KNL1: variants seen among roughly 807,000 people sequenced by gnomAD.
KNL1 encodes kinetochore scaffold 1.
A neutral mutation model predicts 201.3 loss-of-function variants in KNL1; 66 were observed. The ratio of observed to expected loss-of-function variants is 0.33; its 90% CI spans 0.27 to 0.40. The LOEUF (loss-of-function observed/expected upper bound fraction) is 0.40, where lower values mean the gene tolerates loss of function less well. KNL1 is among the 10% of genes least tolerant of loss of function. KNL1 has a pLI of 1.00. For missense variants in KNL1, 2,815 were observed against 2,690.5 expected, an observed-to-expected ratio of 1.05 and a Z score of -1.02; for synonymous variants, 895 against 899.2, an observed-to-expected ratio of 1.00 and a Z score of 0.08.
At position 40,621,050 on chromosome 15, in the gene KNL1, G is replaced by A; in HGVS notation, c.786G>A (p.Lys262=). ...CACATCAAATGCATGTATCTCTTAA[G>A]GAAGATGAAAATAACAGTAATATTA... ...SSTHQMHVSL[K]EDENNSNITR... Residue 262 remains lysine, a synonymous_variant, in exon 10 of 26, where the codon AAG becomes AAA. Coordinates refer to ENST00000399668, the MANE Select transcript of KNL1 (RefSeq NM_144508.5). 1 of 1,610,604 alleles carries A rather than the reference G, an allele frequency of 6.2e-7. No homozygotes were observed. The highest frequency in any genetic ancestry group is 1.7e-4 in the Middle Eastern group (1 of 6,038).
At position 40,621,898 on chromosome 15, in the gene KNL1, A is replaced by G. The variant is rs745519627; in HGVS notation, c.1634A>G (p.Glu545Gly). 6.2e-7 allele frequency: 1 copy of G among 1,613,894 alleles called. No individual in the cohort carries two copies. The highest frequency in any genetic ancestry group is 1.7e-5 in the Admixed American group (1 of 59,992). ...AACTCAGTTCCTCATGTATCTAAGG[A>G]AAGAATACAGCAGAGCCTGTCAAAT... ...NCNSVPHVSK[E>G]RIQQSLSNPL... Residue 545 changes from glutamate (E) to glycine (G), a missense_variant, in exon 10 of 26, where the codon GAA (glutamate) becomes GGA (glycine). Glu to Gly is a moderately conservative substitution (Grantham distance 98). Transcript: ENST00000399668.
At chr15:40,620,407 T>C (rs1230041661) in intron 9 of KNL1, among the ~76,000 whole-genome samples, 1 of 152,038 alleles carries the variant, frequency 6.6e-6, no homozygotes, top group Non-Finnish European at 1.5e-5. Context: ...GAGACGGGGT[T>C]TCACCATGTT....
At chr15:40,653,454 A>C (rs1315848300) in intron 21 of KNL1, among the ~76,000 whole-genome samples, 1 of 152,182 alleles carries the variant, frequency 6.6e-6, no homozygotes, top group Non-Finnish European at 1.5e-5. Context: ...GGCCTCCCAA[A>C]GTGCTGGATT....
intron 2 of KNL1, among the ~76,000 whole-genome samples, chr15:40,603,195 T>A (rs1891864337): frequency 6.6e-6 from 1 of 152,142 alleles, no homozygotes; most frequent in African/African-American, 2.4e-5. Context: ...ACCCATCAAC[T>A]CATTTACATT....
In KNL1 at chr15:40,623,584, A is replaced by C; in HGVS notation, c.3320A>C (p.Asp1107Ala). The C allele has an allele frequency of 6.2e-7, 1 of 1,613,670 alleles. No homozygotes were observed. The highest frequency in any genetic ancestry group is 8.5e-7 in the Non-Finnish European group (1 of 1,179,888). The change falls in exon 10 of 26, where the codon GAC becomes GCC. Residue 1107 changes from aspartate (D) to alanine (A), a missense_variant. Coordinates refer to ENST00000399668, the MANE Select transcript of KNL1 (RefSeq NM_144508.5). ...DNESALEDKE[D>A]FHLAGASKTI... is the part of the protein sequence containing the mutation. ...GAAAGTGCCCTGGAGGATAAAGAGG[A>C]CTTCCATTTGGCAGGGGCTTCTAAA... is the stretch of plus-strand genomic sequence containing the variant.
chr15:40,651,527 T>C lies in KNL1; in HGVS notation c.6269T>C (p.Met2090Thr), dbSNP rs1442229292. The C allele has an allele frequency of 1.9e-6, 3 of 1,609,916 alleles. No homozygotes were observed. The highest frequency in any genetic ancestry group is 2.2e-5 in the South Asian group (2 of 90,200). ...KEQTLAQIDFMQKQRNRTEEL... is the reference protein window; with the variant it reads ...KEQTLAQIDFTQKQRNRTEEL... ...CAGACCCTTGCTCAAATAGACTTTA[T>C]GCAAAAACAAAGAAATAGAACTGAA... is the stretch of plus-strand genomic sequence containing the variant. Residue 2090 changes from methionine to threonine, a missense_variant, in exon 20 of 26, where the codon ATG (methionine) becomes ACG (threonine). Coordinates refer to ENST00000399668, the MANE Select transcript of KNL1 (RefSeq NM_144508.5).
chr15:40,612,581 A>G (rs1263747426), intron 7 of KNL1, among the ~76,000 whole-genome samples: 2 of 151,378 alleles, frequency 1.3e-5, no homozygotes, highest in Non-Finnish European at 2.9e-5. Context: ...CAATGGTACG[A>G]TCTTGGCTCT....
rs1893518380 is a variant in KNL1, at chr15:40,650,395, A to G, written c.6172+17A>G. The G allele has an allele frequency of 7.5e-6, 12 of 1,599,586 alleles. No individual in the cohort carries two copies. The highest frequency in any genetic ancestry group is 1.0e-5 in the Non-Finnish European group (12 of 1,167,076). On this transcript the variant is annotated intron_variant, in intron 18 of 25. Transcript: ENST00000399668. ...CAGAAAAAGGTAATTGAATTAGTTA[A>G]GGAGATAAATGGGTGTGGGGGAAGC...
chr15:40,663,814 A>C lies in KNL1; in HGVS notation c.*1626A>C, dbSNP rs1204630611. 1 of 192,018 alleles carries C rather than the reference A, an allele frequency of 5.2e-6. No homozygotes were observed. Among genetic ancestry groups the C allele is most frequent in the Non-Finnish European group, 1.1e-5 (1 of 92,016 alleles). 11.9% of individuals were successfully genotyped at this position (192,018 alleles called of 1,614,324 possible). On this transcript the variant is annotated 3_prime_UTR_variant, in exon 26 of 26. Transcript: ENST00000399668. ...AAAATACATTTGCATTTTTAAGCTA[A>C]TTTGTCTCAAAATTTTGCTTTATAT...
Position 40,622,493 on chromosome 15 carries a change from C to G in KNL1, c.2229C>G (p.Pro743=), listed in dbSNP as rs1227564472. 6.2e-7 allele frequency: 1 copy of G among 1,613,994 alleles called. No homozygotes were observed. The highest frequency in any genetic ancestry group is 8.5e-7 in the Non-Finnish European group (1 of 1,179,922). The change falls in exon 10 of 26, where the codon CCC becomes CCG. Residue 743 remains proline, a synonymous_variant. Coordinates refer to ENST00000399668, the MANE Select transcript of KNL1 (RefSeq NM_144508.5). ...AEPLRKSLSN[P]TPDYCHDKMI... is the part of the protein sequence containing the mutation. ...CACTGAGGAAAAGTTTAAGCAATCCCACACCTGACTATTGCCATGACAAGA... is the reference window on the plus strand; with the variant it reads ...CACTGAGGAAAAGTTTAAGCAATCCGACACCTGACTATTGCCATGACAAGA...
At chr15:40,645,846 G>A in intron 16 of KNL1, 74 bp downstream of exon 16, 1 of 772,862 alleles carries the variant, frequency 1.3e-6, no homozygotes, top group Non-Finnish European at 2.0e-6. Context: ...AGAATATGAA[G>A]AATCTTCCTT....
intron 17 of KNL1, among the ~76,000 whole-genome samples, chr15:40,649,644 G>T (rs1303433353): frequency 1.3e-4 from 19 of 146,934 alleles, no homozygotes; most frequent in Admixed American, 1.2e-3. Context: ...TCACTCTGTT[G>T]CCCAGGCTGG....
chr15:40,631,671 G>A (rs1330256246), intron 13 of KNL1, among the ~76,000 whole-genome samples: 1 of 151,960 alleles, frequency 6.6e-6, no homozygotes, highest in Non-Finnish European at 1.5e-5. Flanking sequence ...ATTAATATAG[G>A]TAAAAAGTAG....
rs142868498 is a variant in KNL1 at position 40,624,766 on chromosome 15, C to G, written c.4502C>G (p.Ala1501Gly). ...KILNSEEWFA[A>G]ACKKELKENI... ...CTCAATAGTGAGGAATGGTTTGCTGCAGCCTGTAAAAAAGAACTGAAGGAA... is the reference window on the plus strand; with the variant it reads ...CTCAATAGTGAGGAATGGTTTGCTGGAGCCTGTAAAAAAGAACTGAAGGAA... Residue 1501 changes from alanine to glycine, a missense_variant, in exon 10 of 26, where the codon GCA (alanine) becomes GGA (glycine). Physicochemically the swap from Ala to Gly is moderately conservative, Grantham distance 60. Around this residue, in one of 3 missense-constraint regions of KNL1, gnomAD observed 2,464 missense variants for 2,291.7 expected, o/e 1.08. Transcript: ENST00000399668. 4.3e-6 allele frequency: 7 copies of G among 1,613,644 alleles called. No individual in the cohort carries two copies. The highest frequency in any genetic ancestry group is 5.9e-6 in the Non-Finnish European group (7 of 1,179,888).
At chr15:40,602,018 GT>G (rs1305198046) in intron 1 of KNL1, among the ~76,000 whole-genome samples, 1 of 147,326 alleles carries the variant, frequency 6.8e-6, no homozygotes, top group Non-Finnish European at 1.5e-5. Flanking sequence ...ATTTTTGTGG[GT>G]TTTTTTGTTT....
chr15:40,629,051 G>T (rs1595931297), intron 12 of KNL1, among the ~76,000 whole-genome samples: 1 of 152,090 alleles, frequency 6.6e-6, no homozygotes, highest in African/African-American at 2.4e-5. Context: ...AGAAAAAAAT[G>T]ATGTATCTTT....
chr15:40,633,370 T>C (rs1425614554), intron 13 of KNL1, among the ~76,000 whole-genome samples: 1 of 151,818 alleles, frequency 6.6e-6, no homozygotes, highest in Admixed American at 6.6e-5. Flanking sequence ...CTAGTGACAT[T>C]GTAATGTAGC....
intron 1 of KNL1, among the ~76,000 whole-genome samples, chr15:40,599,395 A>AC (rs1375878913): frequency 7.1e-6 from 1 of 140,272 alleles, no homozygotes; most frequent in Admixed American, 7.2e-5. Flanking sequence ...ATCCTCCCCC[A>AC]CCCCCCGAGA....
At chr15:40,641,486 A>G (rs892510722) in intron 14 of KNL1, among the ~76,000 whole-genome samples, 1 of 152,212 alleles carries the variant, frequency 6.6e-6, no homozygotes, top group Non-Finnish European at 1.5e-5. Flanking sequence ...GGAAATCGGA[A>G]ATCTGAAATG....
Sources: allele counts gnomAD v4.1 joint callset (sites outside exome capture counted in the v4.1 genomes callset), GRCh38; gene constraint gnomAD v4.1.1; regional missense constraint gnomAD v4.1.1; transcripts MANE v1.5; gene names NCBI Gene and HGNC (gene_info 2026-07-23, HGNC 2026-07-21).